The following ZNF577 variants were observed in gnomAD, a reference collection of about 807,000 sequenced individuals.
The protein encoded by ZNF577 is zinc finger protein 577.
A neutral mutation model predicts 13.9 loss-of-function variants in ZNF577; 14 were observed. The observed-to-expected ratio is 1.00, with a 90% CI of 0.66 to 1.57. The LOEUF is 1.57. ZNF577 is among the 40% of genes most tolerant of loss of function. The probability of loss-of-function intolerance (pLI) is 0.00; values close to 1 mark genes in which losing one functional copy is unlikely to be tolerated. For missense variants in ZNF577, 555 were observed against 579.2 expected (o/e 0.96, Z 0.43); for synonymous variants, 203 against 202.9 (o/e 1.00, Z 0.00).
intron 9 of ZNF577, chr19:51,823,872 C>T: frequency 6.2e-7 from 1 of 1,614,050 alleles, no homozygotes; most frequent in Non-Finnish European, 8.5e-7. Context: ...CTTCGGGGTC[C>T]TGGGCAATGG....
At chr19:51,854,820 TTA>T (rs1216880036) in intron 5 of ZNF577, among the ~76,000 whole-genome samples, 1 of 152,124 alleles carries the variant, frequency 6.6e-6, no homozygotes, top group Non-Finnish European at 1.5e-5. Context: ...TCTGTTCACT[TTA>T]TGTTTTTCAC....
chr19:51,880,309 A>G lies in ZNF577; in HGVS notation c.60+14T>C. The G allele has an allele frequency of 6.2e-7, 1 of 1,613,474 alleles. No individual in the cohort carries two copies. Among genetic ancestry groups the G allele is most frequent in the Non-Finnish European group, 8.5e-7 (1 of 1,179,536 alleles). On this transcript the variant is annotated intron_variant, in intron 3 of 5. Transcript: ENST00000638348. Reference sequence around the variant, plus strand: ...AAGAAGTTTCTCAAGCTCTCACAGCAATGACAAATTTACCTCCCCTGAAGA... The same window carrying G: ...AAGAAGTTTCTCAAGCTCTCACAGCGATGACAAATTTACCTCCCCTGAAGA...
chr19:51,847,100 G>A (rs925659284), intron 5 of ZNF577, among the ~76,000 whole-genome samples: 2 of 152,064 alleles, frequency 1.3e-5, no homozygotes, highest in East Asian at 3.9e-4. Context: ...TAAAAAGCTA[G>A]TACTAATTTC....
At chr19:51,886,428 T>C (rs2084948048) in intron 1 of ZNF577, 1 of 152,210 alleles carries the variant, frequency 6.6e-6, no homozygotes, top group African/African-American at 2.4e-5. Context: ...TAATCCAAGA[T>C]ATCTTTTCAT....
chr19:51,884,293 TA>T (rs2122729120), intron 1 of ZNF577, among the ~76,000 whole-genome samples: 1 of 152,274 alleles, frequency 6.6e-6, no homozygotes, highest in Admixed American at 6.5e-5. Flanking sequence ...TAAATTTTTT[TA>T]ATGACCTTAC....
intron 3 of ZNF577, among the ~76,000 whole-genome samples, chr19:51,879,028 T>C (rs1228266922): frequency 4.8e-5 from 7 of 146,526 alleles, no homozygotes; most frequent in African/African-American, 1.3e-4. Flanking sequence ...GAGGCCGAGG[T>C]GGGCAGATCA....
At position 51,824,667 on chromosome 19, in the gene ZNF577, C is replaced by T. The variant is rs779906302; in HGVS notation, c.*600-12993G>A. 1.9e-6 allele frequency: 3 copies of T among 1,613,978 alleles called. No homozygotes were observed. The highest frequency in any genetic ancestry group is 2.5e-6 in the Non-Finnish European group (3 of 1,180,014). On this transcript the variant is annotated intron_variant and NMD_transcript_variant, in intron 9 of 10. Transcript: ENST00000638827. The surrounding 1 kb of genome is among the most constrained non-coding windows in gnomAD (Gnocchi z 4.7). The stretch of plus-strand genomic sequence containing the variant: ...CCCAATTCTCTACGTCTTTATGGGT[C>T]GTAACTTCCAAGAAAGACTGATTCG...
In ZNF577 at chr19:51,870,686, C is replaced by T. The variant is rs1357331919; in HGVS notation, c.*1846G>A. Among the ~76,000 whole-genome samples, 1 of 152,176 alleles carries T rather than the reference C, an allele frequency of 6.6e-6. No homozygotes were observed. On this transcript the variant is annotated 3_prime_UTR_variant, in exon 6 of 6. Coordinates refer to ENST00000638348, the MANE Select transcript of ZNF577 (RefSeq NM_001370449.1). The stretch of plus-strand genomic sequence containing the variant: ...GGGAAACTCTACAGAACTCTCAATT[C>T]TTGAGTGCAGCTCTTCTCCAATAAT...
At chr19:51,885,036 T>C (rs2084921404) in intron 1 of ZNF577, among the ~76,000 whole-genome samples, 1 of 152,256 alleles carries the variant, frequency 6.6e-6, no homozygotes, top group Non-Finnish European at 1.5e-5. Context: ...ACTTGCCTGA[T>C]GGCCAACCAT....
intron 9 of ZNF577, among the ~76,000 whole-genome samples, chr19:51,836,611 T>C (rs2122530101): frequency 6.6e-6 from 1 of 152,316 alleles, no homozygotes; most frequent in South Asian, 2.1e-4. Context: ...TTCATTGAGA[T>C]TTTATTCATA....
At chr19:51,835,259 T>C (rs2084282130) in intron 9 of ZNF577, among the ~76,000 whole-genome samples, 1 of 152,062 alleles carries the variant, frequency 6.6e-6, no homozygotes, top group East Asian at 1.9e-4. Context: ...TAAAATGATA[T>C]TACAAATCAC....
chr19:51,811,277 A>G (rs997872493), intron 10 of ZNF577, among the ~76,000 whole-genome samples: 6 of 152,272 alleles, frequency 3.9e-5, no homozygotes, highest in Admixed American at 1.3e-4. Flanking sequence ...GTTATGTGTA[A>G]TAACCTCCTG....
intron 10 of ZNF577, among the ~76,000 whole-genome samples, chr19:51,807,687 G>A (rs1033637458): frequency 6.6e-6 from 1 of 152,222 alleles, no homozygotes; most frequent in African/African-American, 2.4e-5. Flanking sequence ...CAGGAAGAAT[G>A]AAAGAATGGA....
At chr19:51,877,559 T>C (rs2084786286) in intron 4 of ZNF577, 182 bp from the exon 5 acceptor site, 1 of 503,396 alleles carries the variant, frequency 2.0e-6, no homozygotes, top group Admixed American at 3.6e-5. Flanking sequence ...GACACACCCA[T>C]ACCCATTAGG....
In ZNF577 at chr19:51,870,735, T is replaced by C. The variant is rs7256478; in HGVS notation, c.*1797A>G. Among the ~76,000 whole-genome samples, 1 of 152,012 alleles carries C rather than the reference T, an allele frequency of 6.6e-6. No individual in the cohort carries two copies. Among genetic ancestry groups the C allele is most frequent in the African/African-American group, 2.4e-5 (1 of 41,334 alleles). ...ATCCAATTCATGAATTTGGGCCACCTTGAATTCCTCAAACCCTAAACTCTG... is the reference window on the plus strand; with the variant it reads ...ATCCAATTCATGAATTTGGGCCACCCTGAATTCCTCAAACCCTAAACTCTG... On this transcript the variant is annotated 3_prime_UTR_variant, in exon 6 of 6. Coordinates refer to ENST00000638348, the MANE Select transcript of ZNF577 (RefSeq NM_001370449.1).
chr19:51,857,398 G>GAA (rs1056613843), intron 5 of ZNF577, among the ~76,000 whole-genome samples: 1 of 121,372 alleles, frequency 8.2e-6, no homozygotes, highest in African/African-American at 3.8e-5. Flanking sequence ...AAGAAAGAAA[G>GAA]AAAGAAAGAA....
chr19:51,805,098 G>A (rs1054671598), exon 11 of ZNF577: 2 of 152,232 alleles, frequency 1.3e-5, no homozygotes, highest in African/African-American at 2.4e-5. Context: ...ACAGTTTGCT[G>A]TTTGATCATA....
chr19:51,827,969 C>T (rs1206146486), intron 9 of ZNF577, among the ~76,000 whole-genome samples: 1 of 152,058 alleles, frequency 6.6e-6, no homozygotes, highest in East Asian at 1.9e-4. Context: ...ATTTCCAAGG[C>T]AGAGCACTTT....
chr19:51,872,373 C>T lies in ZNF577; in HGVS notation c.*159G>A. 3.4e-6 allele frequency: 2 copies of T among 592,846 alleles called. No homozygotes were observed. 36.7% of individuals were successfully genotyped at this position (592,846 alleles called of 1,614,324 possible). On this transcript the variant is annotated 3_prime_UTR_variant, in exon 6 of 6. Transcript: ENST00000638348. Reference sequence around the variant, plus strand: ...TCCTCATAACAGCTGCATTTCTACCCAACATGATTTCAATGGTGTTTAACA... The same window carrying T: ...TCCTCATAACAGCTGCATTTCTACCTAACATGATTTCAATGGTGTTTAACA...
Sources: allele counts gnomAD v4.1 joint callset (sites outside exome capture counted in the v4.1 genomes callset), GRCh38; gene constraint gnomAD v4.1.1; non-coding constraint Gnocchi (gnomAD v3.1); transcripts MANE v1.5; gene names NCBI Gene and HGNC (gene_info 2026-07-23, HGNC 2026-07-21).